The following PITPNM2 variants were observed in gnomAD, a reference collection of about 807,000 sequenced individuals.
PITPNM2 encodes the protein phosphatidylinositol transfer protein membrane associated 2, also known as membrane-associated phosphatidylinositol transfer protein 2.
Under a neutral mutation model 132.2 loss-of-function variants are expected in PITPNM2, and 35 were observed. That is an observed-to-expected ratio of 0.26 (90% CI 0.20 to 0.35). PITPNM2 has a LOEUF of 0.35. Among genes scored for constraint, PITPNM2 ranks in the 10% least tolerant of loss-of-function variants. The probability of loss-of-function intolerance (pLI) is 1.00; values close to 1 mark genes in which losing one functional copy is unlikely to be tolerated. For missense variants in PITPNM2, 1,332 were observed against 1,912.0 expected (o/e 0.70, Z 5.66); for synonymous variants, 738 against 799.2 (o/e 0.92, Z 1.29).
At chr12:123,122,487 G>T (rs2043052180) in intron 1 of PITPNM2, among the ~76,000 whole-genome samples, 1 of 152,086 alleles carries the variant, frequency 6.6e-6, no homozygotes, top group Non-Finnish European at 1.5e-5. Flanking sequence ...AGAAAGAAAT[G>T]ACGTCAACTT....
intron 1 of PITPNM2, among the ~76,000 whole-genome samples, chr12:123,127,441 G>C (rs1373236666): frequency 1.3e-5 from 2 of 152,126 alleles, no homozygotes; most frequent in Non-Finnish European, 1.5e-5. Flanking sequence ...CTGACGCATA[G>C]AAAAACAATG....
chr12:123,070,790 G>A (rs1401740687), intron 2 of PITPNM2, among the ~76,000 whole-genome samples: 1 of 152,206 alleles, frequency 6.6e-6, no homozygotes, highest in Non-Finnish European at 1.5e-5. Flanking sequence ...TTCAGACCAG[G>A]CTAGTTGTGG....
chr12:122,992,756 T>TTG lies in PITPNM2; in HGVS notation c.2234-89_2234-88dup. 2.8e-6 allele frequency: 3 copies of TTG among 1,088,756 alleles called. No individual in the cohort carries two copies. The highest frequency in any genetic ancestry group is 3.9e-6 in the Non-Finnish European group (3 of 759,888). The allele number at this position is 1,088,756 out of a possible 1,614,324, so 67.4% of individuals were successfully genotyped here. On this transcript the variant is annotated intron_variant, in intron 15 of 25. Coordinates refer to ENST00000320201, the MANE Select transcript of PITPNM2 (RefSeq NM_020845.3). The surrounding 1 kb of genome is among the most constrained non-coding windows in gnomAD (Gnocchi z 6.5). ...GGAAATTTGGGAACTGGGCACTGGG[T>TTG]TGTCTGCTGAAAGTTAGGGATAAGA...
chr12:123,051,351 T>C (rs2040850052), intron 2 of PITPNM2, among the ~76,000 whole-genome samples: 1 of 152,244 alleles, frequency 6.6e-6, no homozygotes, highest in Non-Finnish European at 1.5e-5. Flanking sequence ...GTTCTATTTC[T>C]CTCCTCTTTC....
At chr12:123,125,778 G>GT (rs1225300187) in intron 1 of PITPNM2, among the ~76,000 whole-genome samples, 1 of 145,496 alleles carries the variant, frequency 6.9e-6, no homozygotes, top group African/African-American at 2.6e-5. Context: ...AGAGGCCGAG[G>GT]TTGCAGTGAG....
chr12:123,072,849 T>C lies in PITPNM2; in HGVS notation c.-96+37536A>G, dbSNP rs536376307. Among the ~76,000 whole-genome samples the C allele has an allele frequency of 2.6e-5, 4 of 152,354 alleles. No individual in the cohort carries two copies. In the East Asian group the frequency reaches 7.7e-4, roughly 29 times the overall value. ...TCATAAGATACAACTTTCCCTCACCTGGAGCTCTGGAAGAAGAGGCTGTGG... is the reference window on the plus strand; with the variant it reads ...TCATAAGATACAACTTTCCCTCACCCGGAGCTCTGGAAGAAGAGGCTGTGG... On this transcript the variant is annotated intron_variant, in intron 2 of 25. Coordinates refer to ENST00000320201, the MANE Select transcript of PITPNM2 (RefSeq NM_020845.3).
In PITPNM2 at chr12:123,010,072, T is replaced by C; in HGVS notation, c.421A>G (p.Ile141Val). ...GGCACAGGGTCTTTGACAATGTCGATGAAGTCTGTGGGTAAACCCTTAGAG... is the reference window on the plus strand; with the variant it reads ...GGCACAGGGTCTTTGACAATGTCGACGAAGTCTGTGGGTAAACCCTTAGAG... ...VEKNQLTIDF[I>V]DIVKDPVPHN... The change falls in exon 6 of 26, where the codon ATC becomes GTC. Residue 141 changes from isoleucine to valine, a missense_variant. By Grantham distance (29) the Ile-to-Val change is conservative. Transcript: ENST00000320201. 3 of 1,613,250 alleles carry C rather than the reference T, an allele frequency of 1.9e-6. No individual in the cohort carries two copies. The highest frequency in any genetic ancestry group is 2.2e-5 in the East Asian group (1 of 44,884).
intron 3 of PITPNM2, among the ~76,000 whole-genome samples, chr12:123,030,341 A>T (rs2040036651): frequency 6.6e-6 from 1 of 152,232 alleles, no homozygotes; most frequent in South Asian, 2.1e-4. Flanking sequence ...CATCAAGCAT[A>T]GCGTCACCAT....
rs748003081 is a variant in PITPNM2, at chr12:122,990,682, G to T, written c.2432C>A (p.Ala811Asp). ...LADVLQTHNA[A>D]FQEHGAPSSP... ...GGAGGGGGCGCCATGCTCTTGGAAG[G>T]CTGCATTGTGGGTCTGGAGCACATC... The change falls in exon 17 of 26, where the codon GCC (alanine) becomes GAC (aspartate). Residue 811 changes from alanine to aspartate, a missense_variant. Physicochemically the swap from Ala to Asp is moderately radical, Grantham distance 126 (BLOSUM62 -2). Coordinates refer to ENST00000320201, the MANE Select transcript of PITPNM2 (RefSeq NM_020845.3). 9.9e-6 allele frequency: 16 copies of T among 1,610,816 alleles called. No homozygotes were observed. Among genetic ancestry groups the T allele is most frequent in the Non-Finnish European group, 1.4e-5 (16 of 1,179,452 alleles).
intron 2 of PITPNM2, among the ~76,000 whole-genome samples, chr12:123,060,049 C>T (rs1336086990): frequency 1.3e-5 from 2 of 152,172 alleles, no homozygotes; most frequent in Admixed American, 6.5e-5. Flanking sequence ...CAAGTCCTGG[C>T]AGCGCTCCCT....
Position 123,130,422 on chromosome 12 carries a change from A to G in PITPNM2, c.-199-19934T>C, listed in dbSNP as rs554808587. Reference sequence around the variant, plus strand: ...AGAAGCTAAGGTTGGGGGCAGGGTCATTTGCCCAAGGCCACCGAGCCATCC... The same window carrying G: ...AGAAGCTAAGGTTGGGGGCAGGGTCGTTTGCCCAAGGCCACCGAGCCATCC... On this transcript the variant is annotated intron_variant, in intron 1 of 25. Coordinates refer to ENST00000320201, the MANE Select transcript of PITPNM2 (RefSeq NM_020845.3). Among the ~76,000 whole-genome samples the G allele has an allele frequency of 2.6e-5, 4 of 152,260 alleles. No individual in the cohort carries two copies. The South Asian group carries it at 6.2e-4, about 24-fold the overall frequency.
chr12:123,021,925 A>G lies in PITPNM2; in HGVS notation c.79-7883T>C, dbSNP rs1456352761. 3.9e-5 allele frequency: 6 copies of G among 155,276 alleles called. No homozygotes were observed. The Admixed American group carries it at 3.9e-4, about 10-fold the overall frequency. 9.6% of individuals were successfully genotyped at this position (155,276 alleles called of 1,614,324 possible). The stretch of plus-strand genomic sequence containing the variant: ...ATGCGAGCATGTGTAGCTGACGTAC[A>G]CAGGATGAGCTCAGGTTGTGTGCAC... On this transcript the variant is annotated intron_variant, in intron 3 of 25. Coordinates refer to ENST00000320201, the MANE Select transcript of PITPNM2 (RefSeq NM_020845.3).
Position 122,997,396 on chromosome 12 carries a change from G to A in PITPNM2, c.1401C>T (p.Ala467=). 3 of 1,613,460 alleles carry A rather than the reference G, an allele frequency of 1.9e-6. No individual in the cohort carries two copies. The highest frequency in any genetic ancestry group is 1.7e-4 in the Middle Eastern group (1 of 6,042). The change falls in exon 11 of 26, where the codon GCC becomes GCT. Residue 467 remains alanine (A), a synonymous_variant. Coordinates refer to ENST00000320201, the MANE Select transcript of PITPNM2 (RefSeq NM_020845.3). ...DTVMRVHYPS[A]LGRLAIRLVP... ...CCAGGCGGATGGCAAGGCGGCCCAG[G>A]GCGCTGGGGTAGTGCACGCGCATGA... is the stretch of plus-strand genomic sequence containing the variant.
chr12:123,098,715 C>G (rs774327189), intron 2 of PITPNM2, among the ~76,000 whole-genome samples: 1 of 151,634 alleles, frequency 6.6e-6, no homozygotes, highest in South Asian at 2.1e-4. Flanking sequence ...CAAACAGATG[C>G]CACAGAGACA....
intron 1 of PITPNM2, among the ~76,000 whole-genome samples, chr12:123,132,877 G>A (rs749804343): frequency 4.6e-5 from 7 of 152,210 alleles, no homozygotes; most frequent in Non-Finnish European, 1.0e-4. Flanking sequence ...GGAATGGAAT[G>A]CTGACACATA....
At chr12:123,140,662 G>A (rs1210381285) in intron 1 of PITPNM2, among the ~76,000 whole-genome samples, 1 of 151,894 alleles carries the variant, frequency 6.6e-6, no homozygotes, top group East Asian at 1.9e-4. Context: ...TCCCTTAAAG[G>A]GAGAAAAAGG....
intron 2 of PITPNM2, among the ~76,000 whole-genome samples, chr12:123,100,116 T>C (rs2042523073): frequency 6.6e-6 from 1 of 152,232 alleles, no homozygotes; most frequent in Admixed American, 6.5e-5. Context: ...TGAGGGGACT[T>C]GCCCAAGGTG....
chr12:123,051,958 C>T (rs554042762), intron 2 of PITPNM2, among the ~76,000 whole-genome samples: 132 of 151,246 alleles, frequency 8.7e-4, no homozygotes, highest in Non-Finnish European at 1.6e-3. Flanking sequence ...GCTGGAGTGC[C>T]GTGGCGCCAT....
Position 123,031,142 on chromosome 12 carries a change from T to G in PITPNM2, c.78+3371A>C, listed in dbSNP as rs775807997. On this transcript the variant is annotated intron_variant, in intron 3 of 25. Coordinates refer to ENST00000320201, the MANE Select transcript of PITPNM2 (RefSeq NM_020845.3). This position sits in a 1 kb window ranked among gnomAD's most constrained non-coding sequence, Gnocchi z 4.5. ...AAAATGGTTGTTAATGTTTTGTGAA[T>G]TTCACCTCAATAAAAGCAAAACAAG... Among the ~76,000 whole-genome samples the G allele has an allele frequency of 1.3e-5, 2 of 152,182 alleles. No individual in the cohort carries two copies. Among genetic ancestry groups the G allele is most frequent in the African/African-American group, 2.4e-5 (1 of 41,424 alleles).
Sources: allele counts gnomAD v4.1 joint callset (sites outside exome capture counted in the v4.1 genomes callset), GRCh38; gene constraint gnomAD v4.1.1; non-coding constraint Gnocchi (gnomAD v3.1); transcripts MANE v1.5; gene names NCBI Gene and HGNC (gene_info 2026-07-23, HGNC 2026-07-21).